TLK2: variants seen among roughly 807,000 people sequenced by gnomAD.
TLK2 encodes the protein tousled like kinase 2, also known as serine/threonine-protein kinase tousled-like 2.
A neutral mutation model predicts 117.3 loss-of-function variants in TLK2; 6 were observed. That is an observed-to-expected ratio of 0.05 (90% CI 0.03 to 0.10). The LOEUF is 0.10. TLK2 is among the 10% of genes least tolerant of loss of function. The probability of loss-of-function intolerance (pLI) is 1.00; values close to 1 mark genes in which losing one functional copy is unlikely to be tolerated. For missense variants in TLK2, 299 were observed against 901.2 expected (o/e 0.33, Z 8.56); for synonymous variants, 257 against 316.7 (o/e 0.81, Z 2.00).
chr17:62,492,302 A>G (rs2073185114), intron 2 of TLK2, among the ~76,000 whole-genome samples: 1 of 152,206 alleles, frequency 6.6e-6, no homozygotes, highest in South Asian at 2.1e-4. Flanking sequence ...CATAGGAGCA[A>G]GAAAAGTACC....
At chr17:62,600,944 T>C in intron 18 of TLK2, 124 bp downstream of exon 18, 1 of 996,882 alleles carries the variant, frequency 1.0e-6, no homozygotes, top group Non-Finnish European at 1.4e-6. Flanking sequence ...TGACTTTTGA[T>C]TGCCTGGGTA....
chr17:62,592,603 T>C (rs1431104789), intron 16 of TLK2, among the ~76,000 whole-genome samples: 1 of 152,208 alleles, frequency 6.6e-6, no homozygotes, highest in East Asian at 1.9e-4. Flanking sequence ...GTTACTGTAC[T>C]GAATACTGTA....
chr17:62,550,457 T>G (rs1202618521), intron 7 of TLK2: 8 of 152,264 alleles, frequency 5.3e-5, no homozygotes, highest in Non-Finnish European at 1.2e-4. Flanking sequence ...TTGTTTTGGA[T>G]TGTAAGCTTC....
upstream of TLK2, among the ~76,000 whole-genome samples, chr17:62,478,329 G>A (rs1374838301): frequency 1.3e-5 from 2 of 151,522 alleles, no homozygotes; most frequent in Non-Finnish European, 3.0e-5. Flanking sequence ...GGGCTGGGCA[G>A]GGGTTGGGCG....
chr17:62,473,494 T>G (rs185031679), intron 1 of TLK2, among the ~76,000 whole-genome samples: 1 of 152,320 alleles, frequency 6.6e-6, no homozygotes, highest in African/African-American at 2.4e-5. Context: ...GAGAAAAGCT[T>G]CAGAGGTTTT....
chr17:62,606,417 C>T (rs867646006), intron 20 of TLK2, among the ~76,000 whole-genome samples, 176 bp downstream of exon 20: 18 of 152,306 alleles, frequency 1.2e-4, no homozygotes, highest in Middle Eastern at 6.8e-3. Flanking sequence ...TATTCGTAAG[C>T]AGAAATCCTC....
chr17:62,520,882 G>C, intron 3 of TLK2, 38 bp downstream of exon 3: 3 of 1,605,436 alleles, frequency 1.9e-6, no homozygotes, highest in South Asian at 1.1e-5. Flanking sequence ...TTTCATACTT[G>C]TACGTTTGGG....
At position 62,532,248 on chromosome 17, in the gene TLK2, G is replaced by C. The variant is rs145194270; in HGVS notation, c.364-3922G>C. ...AGTTTTTTTCCCCCCCCAGGGAGAC[G>C]TTGGTTCAAACAGGAAAGGCTGTAG... is the stretch of plus-strand genomic sequence containing the variant. On this transcript the variant is annotated intron_variant, in intron 6 of 21. Transcript: ENST00000346027. Among the ~76,000 whole-genome samples, 1,288 of 152,114 alleles carry C rather than the reference G, an allele frequency of 8.5e-3. 15 individuals carry two copies. Among genetic ancestry groups the C allele is most frequent in the African/African-American group, 0.029 (1,189 of 41,482 alleles).
In TLK2 at chr17:62,553,791, A is replaced by G. The variant is rs761050498; in HGVS notation, c.720+36A>G. ...AAATGTAAGAGATTTTATAGCAAGC[A>G]CCATTTGTTATATATATTTGGATTA... On this transcript the variant is annotated intron_variant, in intron 9 of 21. Transcript: ENST00000346027. 8.5e-6 allele frequency: 11 copies of G among 1,290,500 alleles called. No individual in the cohort carries two copies. The South Asian group carries it at 1.3e-4, about 15-fold the overall frequency. 79.9% of individuals were successfully genotyped at this position (1,290,500 alleles called of 1,614,324 possible).
chr17:62,472,355 G>A lies in TLK2; in HGVS notation c.-205+1277G>A, dbSNP rs553484968. On this transcript the variant is annotated intron_variant, in intron 1 of 4. Coordinates refer to the TLK2 transcript ENST00000579450. Reference sequence around the variant, plus strand: ...CTGTCTGTGGGGAGCTCCTGGCAGTGCCTCCTCCTCCATGCCCAGCAGGAA... The same window carrying A: ...CTGTCTGTGGGGAGCTCCTGGCAGTACCTCCTCCTCCATGCCCAGCAGGAA... 1.7e-3 allele frequency among the ~76,000 whole-genome samples: 257 copies of A among 152,258 alleles called. 1 individual carries two copies. The highest frequency in any genetic ancestry group is 3.0e-3 in the Admixed American group (46 of 15,292).
At chr17:62,482,034 C>A (rs994461250) in intron 2 of TLK2, among the ~76,000 whole-genome samples, 1 of 152,078 alleles carries the variant, frequency 6.6e-6, no homozygotes, top group Non-Finnish European at 1.5e-5. Context: ...CAGCCTCCAC[C>A]TCCTGGGTTC....
chr17:62,547,572 A>T (rs374076256), intron 7 of TLK2, among the ~76,000 whole-genome samples: 1 of 152,102 alleles, frequency 6.6e-6, no homozygotes, highest in Non-Finnish European at 1.5e-5. Context: ...CTGCTTCCCA[A>T]CTGAGGAATT....
chr17:62,553,696 G>C lies in TLK2; in HGVS notation c.661G>C (p.Glu221Gln). The C allele has an allele frequency of 6.2e-7, 1 of 1,612,014 alleles. No individual in the cohort carries two copies. The highest frequency in any genetic ancestry group is 8.5e-7 in the Non-Finnish European group (1 of 1,178,416). The change falls in exon 9 of 22, where the codon GAA becomes CAA. Residue 221 changes from glutamate to glutamine, a missense_variant. Transcript: ENST00000346027. ...CACAATAGAAAAAATATCTGCACTA[G>C]AAAACAGTAAGAATTCTGACTTAGA... ...DLTIEKISAL[E>Q]NSKNSDLEKK...
At position 62,588,030 on chromosome 17, in the gene TLK2, CGT is replaced by C. The variant is rs1360572245; in HGVS notation, c.1460+1805_1460+1806del. 1.2e-3 allele frequency among the ~76,000 whole-genome samples: 162 copies of C among 131,446 alleles called. 2 individuals carry two copies. Among genetic ancestry groups the C allele is most frequent in the Non-Finnish European group, 1.3e-3 (78 of 61,966 alleles). 86.2% of individuals were successfully genotyped at this position (131,446 alleles called of 152,430 possible). A position where few individuals can be genotyped will look rare whatever the true frequency, so the allele number is the denominator to read the frequency against. ...TACATCTGTATATGTATAAAATATA[CGT>C]ATACATCTGTATATGTATAAAATAT... On this transcript the variant is annotated intron_variant, in intron 16 of 21. Transcript: ENST00000346027.
chr17:62,523,579 A>AAAAG (rs373251817), intron 5 of TLK2, among the ~76,000 whole-genome samples: 2 of 152,152 alleles, frequency 1.3e-5, no homozygotes, highest in African/African-American at 2.4e-5. Context: ...GTCTCCAAAA[A>AAAAG]AAAGAAAGAA....
intron 2 of TLK2, among the ~76,000 whole-genome samples, chr17:62,515,609 C>T (rs971571092): frequency 8.5e-5 from 13 of 152,080 alleles, no homozygotes; most frequent in Admixed American, 1.3e-4. Context: ...TTCATGTGGT[C>T]GTTGGCCATT....
At chr17:62,517,843 G>T (rs548342087) in intron 2 of TLK2, among the ~76,000 whole-genome samples, 87 of 152,060 alleles carry the variant, frequency 5.7e-4, no homozygotes, top group Admixed American at 2.7e-3. Flanking sequence ...GACTATTGGT[G>T]TGCACCATCC....
chr17:62,599,095 G>A (rs569395880), intron 17 of TLK2, among the ~76,000 whole-genome samples: 28 of 152,138 alleles, frequency 1.8e-4, no homozygotes, highest in African/African-American at 4.8e-4. Flanking sequence ...ACAGGCATGC[G>A]CCACCATACC....
chr17:62,488,929 G>A (rs942438399), intron 2 of TLK2, among the ~76,000 whole-genome samples: 17 of 148,514 alleles, frequency 1.1e-4, no homozygotes, highest in Non-Finnish European at 3.0e-5. Context: ...GGGCTCAAGT[G>A]CTCCTCCCGC....
Sources: gnomAD v4.1 joint callset for allele counts (sites outside exome capture counted in the v4.1 genomes callset) on GRCh38, gnomAD v4.1.1 for gene constraint, MANE v1.5 for transcripts, NCBI Gene and HGNC (gene_info 2026-07-23, HGNC 2026-07-21) for gene names.